Variants in FCHSD2 observed in about 807,000 individuals in gnomAD.
The protein encoded by FCHSD2 is FCH and double SH3 domains 2.
In FCHSD2, 38 loss-of-function variants were observed where a neutral mutation model predicts 108.1. The observed-to-expected ratio is 0.35, with a 90% CI of 0.27 to 0.46. The LOEUF (loss-of-function observed/expected upper bound fraction) is 0.46, where lower values mean the gene tolerates loss of function less well. FCHSD2 is among the 20% of genes least tolerant of loss of function. The pLI is 1.00. For missense variants in FCHSD2, 751 were observed against 897.8 expected, an observed-to-expected ratio of 0.84 and a Z score of 2.09; for synonymous variants, 279 against 314.7, an observed-to-expected ratio of 0.89 and a Z score of 1.20.
intron 3 of FCHSD2, among the ~76,000 whole-genome samples, chr11:73,022,410 A>T (rs1473867413): frequency 6.6e-6 from 1 of 152,254 alleles, no homozygotes; most frequent in African/African-American, 2.4e-5. Context: ...AACTGAGTTT[A>T]GCAAAGTTGC....
At chr11:73,141,054 G>A (rs1463983623) in intron 1 of FCHSD2, among the ~76,000 whole-genome samples, 1 of 152,238 alleles carries the variant, frequency 6.6e-6, no homozygotes, top group Non-Finnish European at 1.5e-5. Flanking sequence ...CCAGTGCCCA[G>A]AGTAGACATT....
chr11:72,952,201 C>T (rs1374069284), intron 8 of FCHSD2, among the ~76,000 whole-genome samples: 2 of 152,060 alleles, frequency 1.3e-5, no homozygotes, highest in East Asian at 3.8e-4. Flanking sequence ...TCTTCTCTAT[C>T]TTAATACCAG....
At chr11:73,093,353 C>G (rs1201912342) in intron 2 of FCHSD2, among the ~76,000 whole-genome samples, 1 of 152,108 alleles carries the variant, frequency 6.6e-6, no homozygotes, top group African/African-American at 2.4e-5. Context: ...ATTATTGAAT[C>G]TAAGGTGGTC....
intron 8 of FCHSD2, among the ~76,000 whole-genome samples, chr11:72,936,594 G>C (rs1323005802): frequency 5.9e-5 from 9 of 152,078 alleles, no homozygotes; most frequent in Admixed American, 5.9e-4. Context: ...GGTCAACATA[G>C]CAAGACTCCA....
intron 10 of FCHSD2, chr11:72,900,462 G>A: frequency 1.6e-6 from 1 of 616,894 alleles, no homozygotes; most frequent in South Asian, 2.0e-5. Context: ...AGTTGGGCTG[G>A]GAAAAAGTGA....
At chr11:72,912,659 C>T (rs1354868881) in intron 9 of FCHSD2, among the ~76,000 whole-genome samples, 1 of 151,960 alleles carries the variant, frequency 6.6e-6, no homozygotes, top group Non-Finnish European at 1.5e-5. Context: ...GGAAGTATTC[C>T]CCCCTCCTCT....
At chr11:72,902,127 G>A (rs1028727102) in intron 10 of FCHSD2, among the ~76,000 whole-genome samples, 12 of 151,924 alleles carry the variant, frequency 7.9e-5, no homozygotes, top group East Asian at 1.9e-4. Context: ...CACCTGCCTC[G>A]GCCTCCCAAA....
intron 8 of FCHSD2, among the ~76,000 whole-genome samples, chr11:72,964,006 G>A (rs1312723067): frequency 6.6e-6 from 1 of 152,106 alleles, no homozygotes; most frequent in African/African-American, 2.4e-5. Context: ...GTAACCAGAG[G>A]GCTCTATCCA....
intron 3 of FCHSD2, among the ~76,000 whole-genome samples, chr11:73,036,690 T>G (rs1858506303): frequency 6.6e-6 from 1 of 152,190 alleles, no homozygotes; most frequent in Non-Finnish European, 1.5e-5. Flanking sequence ...ATAGGTAATT[T>G]TATTTGTGTA....
chr11:72,897,584 A>G (rs1038222901), intron 10 of FCHSD2, among the ~76,000 whole-genome samples: 7 of 152,184 alleles, frequency 4.6e-5, no homozygotes, highest in African/African-American at 7.2e-5. Flanking sequence ...CCCCATGGAA[A>G]CCAAGGGACA....
intron 2 of FCHSD2, among the ~76,000 whole-genome samples, chr11:73,104,302 T>C (rs561745461): frequency 3.3e-4 from 50 of 152,398 alleles, no homozygotes; most frequent in African/African-American, 1.2e-3. Flanking sequence ...AGTCTCACTC[T>C]GTTGCCCAGG....
intron 2 of FCHSD2, among the ~76,000 whole-genome samples, chr11:73,127,737 A>T (rs1175974412): frequency 6.6e-6 from 1 of 151,952 alleles, no homozygotes; most frequent in Non-Finnish European, 1.5e-5. Flanking sequence ...AACTCTTTAT[A>T]TGGCCTTCCC....
At chr11:72,914,275 A>T (rs570558210) in intron 9 of FCHSD2, among the ~76,000 whole-genome samples, 5 of 152,188 alleles carry the variant, frequency 3.3e-5, no homozygotes, top group African/African-American at 1.2e-4. Context: ...GTGGCCTCCC[A>T]AAGTGCTGGG....
intron 9 of FCHSD2, among the ~76,000 whole-genome samples, chr11:72,908,250 T>C (rs1855676242): frequency 6.6e-6 from 1 of 152,232 alleles, no homozygotes; most frequent in African/African-American, 2.4e-5. Context: ...CCATTGTGTA[T>C]ATATACCACA....
intron 3 of FCHSD2, 97 bp downstream of exon 3, chr11:73,083,598 G>C (rs1048343721): frequency 1.0e-5 from 7 of 685,490 alleles, no homozygotes; most frequent in Admixed American, 5.6e-5. Flanking sequence ...GAAAAGGAAG[G>C]CATAGGGATA....
At chr11:73,118,211 T>C (rs935487493) in intron 2 of FCHSD2, among the ~76,000 whole-genome samples, 2 of 151,858 alleles carry the variant, frequency 1.3e-5, no homozygotes, top group Non-Finnish European at 2.9e-5. Flanking sequence ...CCCAGCAACT[T>C]GGGAGGCTGA....
chr11:72,841,394 C>A, intron 18 of FCHSD2, 60 bp downstream of exon 18: 2 of 1,079,284 alleles, frequency 1.9e-6, no homozygotes, highest in Non-Finnish European at 2.7e-6. Context: ...GCCCTTCAGG[C>A]GAATATGTAG....
In FCHSD2 at chr11:73,027,029, A is replaced by G. The variant is rs1591492720; in HGVS notation, c.166-11144T>C. On this transcript the variant is annotated intron_variant, in intron 3 of 19. Transcript: ENST00000409418. ...CTTTATAGCAGTGTGGAAATGGAGTAATACAGAAAATTGGTACCGAGAGAC... is the reference window on the plus strand; with the variant it reads ...CTTTATAGCAGTGTGGAAATGGAGTGATACAGAAAATTGGTACCGAGAGAC... Among the ~76,000 whole-genome samples, 3 of 152,274 alleles carry G rather than the reference A, an allele frequency of 2.0e-5. No homozygotes were observed. The South Asian group carries it at 6.2e-4, about 32-fold the overall frequency.
chr11:72,867,395 G>A (rs952744823), intron 13 of FCHSD2, among the ~76,000 whole-genome samples: 1 of 152,144 alleles, frequency 6.6e-6, no homozygotes, highest in Non-Finnish European at 1.5e-5. Flanking sequence ...TCTATGTGAG[G>A]AGAATATGAA....
Sources: allele counts gnomAD v4.1 joint callset (sites outside exome capture counted in the v4.1 genomes callset), GRCh38; gene constraint gnomAD v4.1.1; transcripts MANE v1.5; gene names NCBI Gene and HGNC (gene_info 2026-07-23, HGNC 2026-07-21).